NUP160: variants seen among roughly 807,000 people sequenced by gnomAD.
NUP160 encodes nucleoporin 160.
A neutral mutation model predicts 196.9 loss-of-function variants in NUP160; 94 were observed. The observed-to-expected ratio is 0.48, with a 90% CI of 0.40 to 0.57. The LOEUF is 0.57. Ranked by LOEUF, NUP160 falls within the 20% of genes least tolerant of loss-of-function variation. NUP160 has a pLI of 0.00. For synonymous variants in NUP160, 605 were observed against 619.7 expected (o/e 0.98, Z 0.35); for missense variants, 1,638 against 1,748.3 (o/e 0.94, Z 1.13).
Position 47,807,160 on chromosome 11 carries a change from G to T in NUP160, c.2376-20C>A. On this transcript the variant is annotated intron_variant, in intron 18 of 35. Coordinates refer to ENST00000378460, the Ensembl canonical transcript of NUP160. ...GACTCCCTGTGAGAAAAGGGGAAAA[G>T]ACAGCTTAGTAAATTCTCCTATGCT... 1 of 1,518,702 alleles carries T rather than the reference G, an allele frequency of 6.6e-7. No individual in the cohort carries two copies. Among genetic ancestry groups the T allele is most frequent in the Non-Finnish European group, 9.1e-7 (1 of 1,094,378 alleles). The allele number at this position is 1,518,702 out of a possible 1,614,324, so 94.1% of individuals were successfully genotyped here. A position where few individuals can be genotyped will look rare whatever the true frequency, so the allele number is the denominator to read the frequency against.
chr11:47,810,459 G>A (rs2097680450), intron 17 of NUP160, among the ~76,000 whole-genome samples: 1 of 152,024 alleles, frequency 6.6e-6, no homozygotes, highest in East Asian at 1.9e-4. Context: ...CCAAAGTGCT[G>A]GGACTATAGG....
intron 9 of NUP160, chr11:47,820,199 T>A (rs1851826495): frequency 6.6e-6 from 1 of 152,200 alleles, no homozygotes; most frequent in African/African-American, 2.4e-5. Flanking sequence ...TGGTTTGTTT[T>A]TTATTTTTGG....
exon 1 of NUP160, chr11:47,848,419 A>C (rs774587174): frequency 6.4e-7 from 1 of 1,562,478 alleles, no homozygotes; most frequent in Non-Finnish European, 8.6e-7. Flanking sequence ...CAGGTGAAGC[A>C]TTCCGGGAGC....
intron 8 of NUP160, 45 bp downstream of exon 8, chr11:47,822,042 C>A (rs1177341755): frequency 2.3e-6 from 3 of 1,306,976 alleles, no homozygotes; most frequent in African/African-American, 2.9e-5. Context: ...GTCAATACTT[C>A]TTTTTCTTGT....
At chr11:47,830,962 G>C (rs539788470) in intron 7 of NUP160, among the ~76,000 whole-genome samples, 2 of 152,130 alleles carry the variant, frequency 1.3e-5, no homozygotes, top group East Asian at 3.9e-4. Context: ...TCAGGAGTTC[G>C]AGACCAGCCT....
intron 7 of NUP160, 33 bp downstream of exon 7, chr11:47,835,618 A>C (rs1360382030): frequency 6.6e-7 from 1 of 1,518,496 alleles, no homozygotes; most frequent in African/African-American, 1.4e-5. Context: ...GTACACACAG[A>C]ATAACTTGGT....
At chr11:47,824,354 T>C (rs1851925219) in intron 7 of NUP160, among the ~76,000 whole-genome samples, 2 of 151,696 alleles carry the variant, frequency 1.3e-5, no homozygotes, top group Admixed American at 1.3e-4. Context: ...ACCTGTAATC[T>C]CAGCACTTTG....
intron 7 of NUP160, among the ~76,000 whole-genome samples, chr11:47,829,843 C>A (rs1852039926): frequency 6.6e-6 from 1 of 152,116 alleles, no homozygotes; most frequent in African/African-American, 2.4e-5. Flanking sequence ...TAAAAGCAAT[C>A]TCAACAAAAG....
At chr11:47,793,946 A>T (rs1026488569) in intron 27 of NUP160, among the ~76,000 whole-genome samples, 2 of 151,866 alleles carry the variant, frequency 1.3e-5, no homozygotes, top group African/African-American at 4.8e-5. Flanking sequence ...TTCTGACGCC[A>T]CTACAAGGAT....
In NUP160 at chr11:47,839,833, C is replaced by A; in HGVS notation, c.748+10G>T. On this transcript the variant is annotated intron_variant, in intron 4 of 35. Transcript: ENST00000378460. Reference sequence around the variant, plus strand: ...TTAAAGTTAAATCCATGCTCAGTTCCCATTCTTACCAGGTATGTCATAAGG... The same window carrying A: ...TTAAAGTTAAATCCATGCTCAGTTCACATTCTTACCAGGTATGTCATAAGG... 1.9e-6 allele frequency: 3 copies of A among 1,599,228 alleles called. No individual in the cohort carries two copies. The highest frequency in any genetic ancestry group is 2.2e-5 in the East Asian group (1 of 44,812).
At chr11:47,847,648 T>TGGGGGGGGGGGGGG (rs56283744) in intron 2 of NUP160, among the ~76,000 whole-genome samples, 200 bp downstream of exon 2, 3 of 77,486 alleles carry the variant, frequency 3.9e-5, no homozygotes, top group Non-Finnish European at 6.8e-5. Flanking sequence ...TGTGTGGGGG[T>TGGGGGGGGGGGGGG]GGGGGGGGGG....
chr11:47,804,074 G>A (rs906150636), intron 21 of NUP160, among the ~76,000 whole-genome samples: 4 of 151,850 alleles, frequency 2.6e-5, no homozygotes, highest in Non-Finnish European at 4.4e-5. Flanking sequence ...CCAGCTACTC[G>A]GGAGGCTGAG....
chr11:47,782,117 A>C (rs1429827758), intron 34 of NUP160, among the ~76,000 whole-genome samples: 1 of 151,320 alleles, frequency 6.6e-6, no homozygotes, highest in African/African-American at 2.4e-5. Context: ...CCCCATCTCT[A>C]CCAAAAATAT....
At chr11:47,819,036 G>A (rs1056484450) in intron 10 of NUP160, among the ~76,000 whole-genome samples, 4 of 151,952 alleles carry the variant, frequency 2.6e-5, no homozygotes, top group Admixed American at 2.0e-4. Context: ...AGATTTGGCC[G>A]GGCACGGTGG....
At chr11:47,824,724 C>T (rs1176783863) in intron 7 of NUP160, among the ~76,000 whole-genome samples, 2 of 152,150 alleles carry the variant, frequency 1.3e-5, no homozygotes, top group Non-Finnish European at 1.5e-5. Context: ...ACGTTAACCT[C>T]CAACTCTTGG....
intron 2 of NUP160, among the ~76,000 whole-genome samples, chr11:47,846,830 A>G (rs1852410359): frequency 6.6e-6 from 1 of 152,200 alleles, no homozygotes; most frequent in Non-Finnish European, 1.5e-5. Context: ...TCCTATATAC[A>G]TGAGGTTTGG....
chr11:47,847,901 G>C lies in NUP160; in HGVS notation c.261C>G (p.Tyr87Ter). Reference sequence around the variant, plus strand: ...AGAACAACTTGCCACTCTCCACGTAGTAAAAGCCTCCCGCGCTTTCACTGT... The same window carrying C: ...AGAACAACTTGCCACTCTCCACGTACTAAAAGCCTCCCGCGCTTTCACTGT... The change falls in exon 2 of 36, where the codon TAC becomes TAG. Residue 87 changes from tyrosine (Y) to a stop codon, truncating the protein, a stop_gained. Coordinates refer to ENST00000378460, the Ensembl canonical transcript of NUP160. LOFTEE classifies it high-confidence loss of function. The C allele has an allele frequency of 6.2e-7, 1 of 1,614,162 alleles. No homozygotes were observed. The highest frequency in any genetic ancestry group is 8.5e-7 in the Non-Finnish European group (1 of 1,180,024).
intron 7 of NUP160, among the ~76,000 whole-genome samples, chr11:47,831,200 A>T (rs1852066487): frequency 6.6e-6 from 1 of 152,162 alleles, no homozygotes; most frequent in African/African-American, 2.4e-5. Flanking sequence ...AAAGCAAATG[A>T]TGTGAATAAA....
At chr11:47,794,431 C>T (rs2097669699) in intron 27 of NUP160, among the ~76,000 whole-genome samples, 2 of 151,644 alleles carry the variant, frequency 1.3e-5, no homozygotes, top group Middle Eastern at 3.5e-3. Context: ...GCCGAGATTG[C>T]GCCACTGCAC....
Sources: allele counts gnomAD v4.1 joint callset (sites outside exome capture counted in the v4.1 genomes callset), GRCh38; gene constraint gnomAD v4.1.1; transcripts MANE v1.5; gene names NCBI Gene and HGNC (gene_info 2026-07-23, HGNC 2026-07-21).